Variants in MON2 observed in about 807,000 individuals in gnomAD.
MON2 encodes protein MON2 homolog.
A neutral mutation model predicts 208.6 loss-of-function variants in MON2; 84 were observed. That is an observed-to-expected ratio of 0.40 (90% confidence interval 0.34 to 0.48). The LOEUF (loss-of-function observed/expected upper bound fraction) is 0.48, where lower values mean the gene tolerates loss of function less well. Among genes scored for constraint, MON2 ranks in the 20% least tolerant of loss-of-function variants. MON2 has a pLI of 0.59. For missense variants in MON2, 1,611 were observed against 2,015.4 expected (o/e 0.80, Z 3.84); for synonymous variants, 660 against 694.0 (o/e 0.95, Z 0.77).
intron 24 of MON2, among the ~76,000 whole-genome samples, chr12:62,554,822 C>T (rs533741067): frequency 6.6e-6 from 1 of 152,176 alleles, no homozygotes; most frequent in East Asian, 1.9e-4. Flanking sequence ...GGACCCCTCT[C>T]CTTACCTTTG....
At chr12:62,586,216 T>C (rs2075216313) in intron 33 of MON2, among the ~76,000 whole-genome samples, 1 of 152,224 alleles carries the variant, frequency 6.6e-6, no homozygotes, top group South Asian at 2.1e-4. Flanking sequence ...AACAAAGTTA[T>C]CAAAGTCAGG....
intron 28 of MON2, 61 bp downstream of exon 28, chr12:62,566,092 C>T (rs183413424): frequency 1.0e-5 from 16 of 1,529,042 alleles, no homozygotes; most frequent in Admixed American, 7.3e-5. Flanking sequence ...ACATCTTTCC[C>T]GGTTCTTGGT....
chr12:62,545,503 T>C (rs2073443538), intron 21 of MON2: 1 of 152,210 alleles, frequency 6.6e-6, no homozygotes, highest in African/African-American at 2.4e-5. Context: ...GTACCCACTT[T>C]TTAAAAAGTC....
chr12:62,552,466 T>C (rs1374661152), intron 23 of MON2, among the ~76,000 whole-genome samples: 2 of 152,138 alleles, frequency 1.3e-5, no homozygotes, highest in Non-Finnish European at 2.9e-5. Context: ...TGCTCGTGTA[T>C]GAAATTACAA....
chr12:62,555,906 ATTTGTAGATTC>A, intron 24 of MON2, 77 bp from the exon 25 acceptor site: 2 of 998,796 alleles, frequency 2.0e-6, no homozygotes, highest in Non-Finnish European at 3.0e-6. Flanking sequence ...TTTTGTAACA[ATTTGTAGATTC>A]TTATGCTGTT....
intron 1 of MON2, among the ~76,000 whole-genome samples, chr12:62,479,043 TG>T (rs1444820323): frequency 6.6e-6 from 1 of 152,162 alleles, no homozygotes; most frequent in Non-Finnish European, 1.5e-5. Flanking sequence ...GGTAGGAGTT[TG>T]GGGGTAGAAG....
intron 7 of MON2, among the ~76,000 whole-genome samples, chr12:62,502,677 T>C (rs537743842): frequency 6.6e-6 from 1 of 152,340 alleles, no homozygotes; most frequent in South Asian, 2.1e-4. Context: ...TATCTAGCTA[T>C]GTGTTTTCAC....
intron 13 of MON2, 111 bp downstream of exon 13, chr12:62,535,037 A>G: frequency 2.5e-6 from 2 of 802,680 alleles, no homozygotes; most frequent in Non-Finnish European, 2.0e-6. Flanking sequence ...AGTTTTTTAT[A>G]TGTGTGAAAC....
At position 62,538,166 on chromosome 12, in the gene MON2, G is replaced by T; in HGVS notation, c.2189G>T (p.Gly730Val). 1.2e-6 allele frequency: 2 copies of T among 1,613,636 alleles called. No homozygotes were observed. Among genetic ancestry groups the T allele is most frequent in the Non-Finnish European group, 1.7e-6 (2 of 1,179,726 alleles). Residue 730 changes from glycine (G) to valine (V), a missense_variant, in exon 17 of 35, where the codon GGA becomes GTA. By Grantham distance (109) the Gly-to-Val change is moderately radical. Coordinates refer to ENST00000393630, the MANE Select transcript of MON2 (RefSeq NM_015026.3). ...TTGAAACCTGGGAGAGCTGTAGAAGGACCCAGTACAGTAAGCTCTAGTCTT... is the reference window on the plus strand; with the variant it reads ...TTGAAACCTGGGAGAGCTGTAGAAGTACCCAGTACAGTAAGCTCTAGTCTT... ...GALKPGRAVE[G>V]PSTVLTTAVM...
chr12:62,566,595 T>C, intron 29 of MON2, 145 bp downstream of exon 29: 2 of 913,036 alleles, frequency 2.2e-6, no homozygotes, highest in Non-Finnish European at 3.1e-6. Context: ...CCAATATTCA[T>C]GAATTGTATT....
intron 34 of MON2, among the ~76,000 whole-genome samples, chr12:62,591,652 A>C (rs1465775978): frequency 3.9e-5 from 6 of 152,196 alleles, no homozygotes; most frequent in African/African-American, 7.2e-5. Flanking sequence ...TGAGAAACAC[A>C]TTTCTTTATT....
intron 32 of MON2, among the ~76,000 whole-genome samples, chr12:62,583,044 G>GA (rs1420246393): frequency 2.0e-5 from 3 of 152,148 alleles, no homozygotes; most frequent in Non-Finnish European, 4.4e-5. Flanking sequence ...AGTAGAAAAA[G>GA]AAAGAAGGCT....
chr12:62,570,508 A>C (rs892562809), intron 29 of MON2, among the ~76,000 whole-genome samples: 5 of 152,150 alleles, frequency 3.3e-5, no homozygotes, highest in African/African-American at 1.2e-4. Context: ...ATACGTTCTG[A>C]GAGATGCATC....
chr12:62,585,512 C>T lies in MON2; in HGVS notation c.4907+11C>T, dbSNP rs2075192479. 1 of 1,535,618 alleles carries T rather than the reference C, an allele frequency of 6.5e-7. No homozygotes were observed. Among genetic ancestry groups the T allele is most frequent in the Non-Finnish European group, 8.9e-7 (1 of 1,127,524 alleles). ...ATGCCCTCTTCCAAGGTATATATTT[C>T]ATTTTATTAAAGAAATAAATGTATT... On this transcript the variant is annotated intron_variant, in intron 33 of 34. Transcript: ENST00000393630.
chr12:62,563,176 A>G (rs1188041537), intron 26 of MON2, among the ~76,000 whole-genome samples: 1 of 152,168 alleles, frequency 6.6e-6, no homozygotes, highest in African/African-American at 2.4e-5. Flanking sequence ...CTGTCTTCTA[A>G]ATAACATGGG....
intron 1 of MON2, 149 bp from the exon 2 acceptor site, chr12:62,484,021 C>A (rs1006732879): frequency 5.0e-5 from 31 of 615,746 alleles, no homozygotes; most frequent in Non-Finnish European, 8.5e-5. Context: ...CACTACTGGG[C>A]TTAGTATCTG....
At chr12:62,552,813 A>T in intron 23 of MON2, 68 bp from the exon 24 acceptor site, 1 of 1,185,262 alleles carries the variant, frequency 8.4e-7, no homozygotes, top group Non-Finnish European at 1.2e-6. Context: ...AAACAGCCAC[A>T]TGTTGCATAT....
At position 62,543,026 on chromosome 12, in the gene MON2, C is replaced by T. The variant is rs2073309473; in HGVS notation, c.2365-71C>T. On this transcript the variant is annotated intron_variant, in intron 19 of 34. Transcript: ENST00000393630. ...TCAGTCATGCTCTTCAGAGTATTCT[C>T]AGTTTTATTCATAGTCTAATTACTC... 3 of 781,652 alleles carry T rather than the reference C, an allele frequency of 3.8e-6. No individual in the cohort carries two copies. In the East Asian group the frequency reaches 8.8e-5, roughly 23 times the overall value. The allele number at this position is 781,652 out of a possible 1,614,324, so 48.4% of individuals were successfully genotyped here.
intron 1 of MON2, among the ~76,000 whole-genome samples, chr12:62,476,595 C>G (rs1268714772): frequency 1.3e-5 from 2 of 151,988 alleles, no homozygotes; most frequent in African/African-American, 2.4e-5. Context: ...CCACTACTGA[C>G]CGGCTAATTT....
Sources: allele counts gnomAD v4.1 joint callset (sites outside exome capture counted in the v4.1 genomes callset), GRCh38; gene constraint gnomAD v4.1.1; transcripts MANE v1.5; gene names NCBI Gene and HGNC (gene_info 2026-07-23, HGNC 2026-07-21).